Variants in SLC22A11 observed in about 807,000 individuals in gnomAD.
SLC22A11 encodes the protein solute carrier family 22 member 11, also known as organic anion transporter 4.
In SLC22A11, 42 loss-of-function variants were observed where a neutral mutation model predicts 49.4. That is an observed-to-expected ratio of 0.85 (90% CI 0.66 to 1.10). The LOEUF is 1.10. Among genes scored for constraint, SLC22A11 ranks in the 50% least tolerant of loss-of-function variants. SLC22A11 has a pLI of 0.00. For synonymous variants in SLC22A11, 304 were observed against 315.8 expected (o/e 0.96, Z 0.40); for missense variants, 685 against 731.6 (o/e 0.94, Z 0.74).
intron 1 of SLC22A11, among the ~76,000 whole-genome samples, chr11:64,557,627 C>CTTTTT (rs766276214): frequency 7.7e-5 from 8 of 104,054 alleles, no homozygotes; most frequent in African/African-American, 3.1e-4. Flanking sequence ...TTTTCTTTCT[C>CTTTTT]TTTTTTTTTT....
chr11:64,567,831 G>A lies in SLC22A11; in HGVS notation c.1273+18G>A. On this transcript the variant is annotated intron_variant, in intron 7 of 9. Coordinates refer to ENST00000301891, the MANE Select transcript of SLC22A11 (RefSeq NM_018484.4). ...GCCGCAAGGTGAGGCAGGCGGACTG[G>A]GCGGTGGGACCGGGCCCTGCTTCCC... The A allele has an allele frequency of 6.4e-7, 1 of 1,558,126 alleles. No individual in the cohort carries two copies. Among genetic ancestry groups the A allele is most frequent in the Admixed American group, 1.9e-5 (1 of 52,524 alleles).
Position 64,558,936 on chromosome 11 carries a change from C to T in SLC22A11, c.394-199C>T, listed in dbSNP as rs553738395. Among the ~76,000 whole-genome samples, 21 of 152,298 alleles carry T rather than the reference C, an allele frequency of 1.4e-4. No homozygotes were observed. In the South Asian group the frequency reaches 3.3e-3, roughly 24 times the overall value. ...GAGTGGCCTCCACACAGCTGGCAGA[C>T]GCAGAGCCAGGTCACATTCTGTCCT... On this transcript the variant is annotated intron_variant, in intron 1 of 9. Coordinates refer to ENST00000301891, the MANE Select transcript of SLC22A11 (RefSeq NM_018484.4).
At position 64,565,073 on chromosome 11, in the gene SLC22A11, C is replaced by T; in HGVS notation, c.943-149C>T. 4.8e-6 allele frequency: 3 copies of T among 627,166 alleles called. No homozygotes were observed. Among genetic ancestry groups the T allele is most frequent in the South Asian group, 2.0e-5 (1 of 49,274 alleles). The allele number at this position is 627,166 out of a possible 1,614,324, so 38.9% of individuals were successfully genotyped here. ...GAGAGAACCTTTTCTGCCCCATCCC[C>T]TCCCCTTCCCCTAGGGATCCAGCTT... On this transcript the variant is annotated intron_variant, in intron 5 of 9. Transcript: ENST00000301891. The surrounding 1 kb of genome is among the most constrained non-coding windows in gnomAD (Gnocchi z 4.1).
Position 64,555,960 on chromosome 11 carries a change from A to G in SLC22A11, c.-40A>G, listed in dbSNP as rs370945207. ...GTGGCTGCAATCGGTTCCAAACAGC[A>G]GTTAGGTCAGCAGTCCGCTCAGCCG... On this transcript the variant is annotated 5_prime_UTR_variant, in exon 1 of 10. Coordinates refer to ENST00000301891, the MANE Select transcript of SLC22A11 (RefSeq NM_018484.4). The G allele has an allele frequency of 7.7e-6, 12 of 1,549,872 alleles. No homozygotes were observed. Among genetic ancestry groups the G allele is most frequent in the African/African-American group, 1.4e-5 (1 of 73,494 alleles).
At chr11:64,569,517 T>A (rs1175386614) in intron 8 of SLC22A11, 135 bp from the exon 9 acceptor site, 7 of 839,078 alleles carry the variant, frequency 8.3e-6, no homozygotes, top group Non-Finnish European at 1.3e-5. Context: ...GTGGAGGAGG[T>A]GGCATTAGAG....
Position 64,564,262 on chromosome 11 carries a change from G to T in SLC22A11, c.822-46G>T, listed in dbSNP as rs557729831. 1.1e-5 allele frequency: 18 copies of T among 1,610,472 alleles called. No homozygotes were observed. The highest frequency in any genetic ancestry group is 1.5e-5 in the Non-Finnish European group (18 of 1,177,848). ...CTGCCCCTTTCCACCCCGCCCCGGG[G>T]GAGAGCCCAGCGTGCACTCCCAGCT... is the stretch of plus-strand genomic sequence containing the variant. On this transcript the variant is annotated intron_variant, in intron 4 of 9. Coordinates refer to ENST00000301891, the MANE Select transcript of SLC22A11 (RefSeq NM_018484.4). This position sits in a 1 kb window ranked among gnomAD's most constrained non-coding sequence, Gnocchi z 4.2.
chr11:64,567,879 G>C (rs2038650653), intron 7 of SLC22A11, 66 bp downstream of exon 7: 1 of 1,490,644 alleles, frequency 6.7e-7, no homozygotes, highest in African/African-American at 1.4e-5. Context: ...TGCTCTGAGC[G>C]TGGGGCCACA....
At position 64,562,280 on chromosome 11, in the gene SLC22A11, C is replaced by T. The variant is rs1436601809; in HGVS notation, c.666C>T (p.Thr222=). ...LSSLTLMVEW[T]TTSRRAVTMT... is the part of the protein sequence containing the mutation. ...TGCATCCTTCAGTGGTGGAGTGGAC[C>T]ACGACCAGCAGGAGGGCGGTCACCA... The change falls in exon 4 of 10, where the codon ACC becomes ACT. Residue 222 remains threonine (T), a synonymous_variant. Coordinates refer to ENST00000301891, the MANE Select transcript of SLC22A11 (RefSeq NM_018484.4). The surrounding 1 kb of genome is among the most constrained non-coding windows in gnomAD (Gnocchi z 4.4). 1.2e-6 allele frequency: 2 copies of T among 1,604,372 alleles called. No individual in the cohort carries two copies. Among genetic ancestry groups the T allele is most frequent in the Non-Finnish European group, 1.7e-6 (2 of 1,173,818 alleles).
Position 64,571,266 on chromosome 11 carries a change from G to C in SLC22A11, c.*224G>C. 3 of 569,322 alleles carry C rather than the reference G, an allele frequency of 5.3e-6. No homozygotes were observed. The South Asian group carries it at 6.4e-5, about 12-fold the overall frequency. The allele number at this position is 569,322 out of a possible 1,614,324, so 35.3% of individuals were successfully genotyped here. A position where few individuals can be genotyped will look rare whatever the true frequency, so the allele number is the denominator to read the frequency against. ...CCTGATCAGATTCCCCACCTTACCC[G>C]GGCCCTACAGGAGCCTGTGCAGATG... On this transcript the variant is annotated 3_prime_UTR_variant, in exon 10 of 10. Coordinates refer to ENST00000301891, the MANE Select transcript of SLC22A11 (RefSeq NM_018484.4).
Position 64,563,018 on chromosome 11 carries a change from C to T in SLC22A11, c.821+583C>T, listed in dbSNP as rs79013402. On this transcript the variant is annotated intron_variant, in intron 4 of 9. Transcript: ENST00000301891. ...TACAATTTTAGGGGCCGCAAAAATC[C>T]CTAAGGTCTGGAAATCCCTCCTTGG... is the stretch of plus-strand genomic sequence containing the variant. Among the ~76,000 whole-genome samples, 242 of 152,262 alleles carry T rather than the reference C, an allele frequency of 1.6e-3. 3 individuals are homozygous for T. The highest frequency in any genetic ancestry group is 5.5e-3 in the African/African-American group (230 of 41,536).
chr11:64,558,793 G>A (rs923371958), intron 1 of SLC22A11, among the ~76,000 whole-genome samples: 1 of 152,146 alleles, frequency 6.6e-6, no homozygotes, highest in African/African-American at 2.4e-5. Context: ...GCCACACATT[G>A]CCTGCCAAAG....
chr11:64,566,162 C>T (rs933024969), intron 6 of SLC22A11: 2 of 153,804 alleles, frequency 1.3e-5, no homozygotes, highest in Admixed American at 6.3e-5. Context: ...AGGAGGATCA[C>T]TGGAGCCCAG....
At position 64,567,717 on chromosome 11, in the gene SLC22A11, G is replaced by A; in HGVS notation, c.1177G>A (p.Ala393Thr). The A allele has an allele frequency of 6.2e-7, 1 of 1,613,772 alleles. No individual in the cohort carries two copies. The highest frequency in any genetic ancestry group is 8.5e-7 in the Non-Finnish European group (1 of 1,180,012). The change falls in exon 7 of 10, where the codon GCC becomes ACC. Residue 393 changes from alanine (A) to threonine (T), a missense_variant. By Grantham distance (58) the Ala-to-Thr change is moderately conservative (BLOSUM62 0). Transcript: ENST00000301891. ...AVDFLGRATT[A>T]LLLSFLGRRT... Reference sequence around the variant, plus strand: ...GGACTTCCTGGGCCGGGCCACCACTGCCCTCTTGCTCAGTTTCCTTGGCCG... The same window carrying A: ...GGACTTCCTGGGCCGGGCCACCACTACCCTCTTGCTCAGTTTCCTTGGCCG...
rs1286144173 is a variant in SLC22A11, at chr11:64,559,209, C to A, written c.468C>A (p.Gly156=). 6.2e-7 allele frequency: 1 copy of A among 1,610,114 alleles called. No homozygotes were observed. The highest frequency in any genetic ancestry group is 1.3e-5 in the African/African-American group (1 of 74,736). Residue 156 remains glycine (G), a synonymous_variant, in exon 2 of 10, where the codon GGC becomes GGA. Transcript: ENST00000301891. ...QSIFMSGILV[G]SFIWGLLSYR... ...TCTTCATGTCCGGGATCCTGGTGGG[C>A]TCCTTTATCTGGGGCCTCCTCTCCT...
rs772226243 is a variant in SLC22A11, at chr11:64,559,128, C to T, written c.394-7C>T. 8.7e-6 allele frequency: 14 copies of T among 1,611,482 alleles called. No individual in the cohort carries two copies. Among genetic ancestry groups the T allele is most frequent in the Non-Finnish European group, 1.2e-5 (14 of 1,177,888 alleles). On this transcript the variant is annotated splice_region_variant and splice_polypyrimidine_tract_variant and intron_variant, in intron 1 of 9. Transcript: ENST00000301891. Reference sequence around the variant, plus strand: ...CCGAGCTGAGCCACTGCACCCTCCTCTTGCAGTGGGACCTGGTGTGCAGCT... The same window carrying T: ...CCGAGCTGAGCCACTGCACCCTCCTTTTGCAGTGGGACCTGGTGTGCAGCT...
At chr11:64,569,224 C>G (rs919759578) in intron 8 of SLC22A11, among the ~76,000 whole-genome samples, 2 of 152,144 alleles carry the variant, frequency 1.3e-5, no homozygotes, top group Non-Finnish European at 2.9e-5. Context: ...AACTGAGGCT[C>G]GGGGTGAAGG....
In SLC22A11 at chr11:64,567,657, G is replaced by T; in HGVS notation, c.1117G>T (p.Asp373Tyr). Residue 373 changes from aspartate to tyrosine, a missense_variant, in exon 7 of 10, where the codon GAC becomes TAC. Coordinates refer to ENST00000301891, the MANE Select transcript of SLC22A11 (RefSeq NM_018484.4). ...CTTCGACCTGCAGAGCCTGGGCCGT[G>T]ACATCTTCCTCCTCCAGGCCCTCTT... ...LVFDLQSLGR[D>Y]IFLLQALFGA... 1 of 1,614,116 alleles carries T rather than the reference G, an allele frequency of 6.2e-7. No individual in the cohort carries two copies. Among genetic ancestry groups the T allele is most frequent in the South Asian group, 1.1e-5 (1 of 91,088 alleles).
intron 7 of SLC22A11, among the ~76,000 whole-genome samples, chr11:64,568,426 C>G (rs764986007): frequency 1.1e-4 from 16 of 152,352 alleles, no homozygotes; most frequent in African/African-American, 3.6e-4. Flanking sequence ...CCACGGCCGG[C>G]CAGGCTCAGC....
chr11:64,566,682 T>G (rs1488599540), intron 6 of SLC22A11: 1 of 152,178 alleles, frequency 6.6e-6, no homozygotes, highest in African/African-American at 2.4e-5. Flanking sequence ...GTCACTCACA[T>G]AAACTTCATG....
Sources: gnomAD v4.1 joint callset for allele counts (sites outside exome capture counted in the v4.1 genomes callset) on GRCh38, gnomAD v4.1.1 for gene constraint, Gnocchi (gnomAD v3.1) non-coding constraint, MANE v1.5 for transcripts, NCBI Gene and HGNC (gene_info 2026-07-23, HGNC 2026-07-21) for gene names.